Variants in FBXW2 observed in about 807,000 individuals in gnomAD.
FBXW2 encodes the protein F-box and WD repeat domain containing 2, also known as F-box/WD repeat-containing protein 2.
FBXW2 carries 12 observed loss-of-function variants against 46.0 expected under a neutral mutation model. That is an observed-to-expected ratio of 0.26 (90% CI 0.17 to 0.42). The LOEUF is 0.42. Ranked by LOEUF, FBXW2 falls within the 10% of genes least tolerant of loss-of-function variation. The pLI is 1.00. For synonymous variants in FBXW2, 203 were observed against 209.6 expected, an observed-to-expected ratio of 0.97 and a Z score of 0.27; for missense variants, 360 against 537.0, an observed-to-expected ratio of 0.67 and a Z score of 3.26.
intron 3 of FBXW2, among the ~76,000 whole-genome samples, chr9:120,780,439 A>T (rs1210585705): frequency 6.6e-6 from 1 of 152,156 alleles, no homozygotes; most frequent in African/African-American, 2.4e-5. Context: ...ACATGTAATC[A>T]ATACAAATAT....
chr9:120,778,179 T>C (rs1015226688), intron 4 of FBXW2, among the ~76,000 whole-genome samples, 172 bp downstream of exon 4: 20 of 148,896 alleles, frequency 1.3e-4, no homozygotes, highest in African/African-American at 4.7e-4. Flanking sequence ...CAAAACTGGG[T>C]AAAACATTCG....
At chr9:120,771,590 G>C (rs1030515763) in intron 6 of FBXW2, 73 bp from the exon 7 acceptor site, 1 of 1,355,488 alleles carries the variant, frequency 7.4e-7, no homozygotes. Flanking sequence ...AAAATGGTCT[G>C]CATTTGTGAA....
chr9:120,783,876 T>C (rs1480331849), intron 3 of FBXW2, among the ~76,000 whole-genome samples: 3 of 152,324 alleles, frequency 2.0e-5, no homozygotes, highest in Non-Finnish European at 4.4e-5. Flanking sequence ...TCAATAAAAC[T>C]GTCTATTGCT....
chr9:120,767,949 C>T (rs2044304450), intron 7 of FBXW2, among the ~76,000 whole-genome samples: 3 of 152,354 alleles, frequency 2.0e-5, no homozygotes, highest in Middle Eastern at 3.4e-3. Context: ...CTACTGACCT[C>T]CCCACATCTA....
At chr9:120,773,200 A>C (rs983411842) in intron 5 of FBXW2, among the ~76,000 whole-genome samples, 2 of 152,200 alleles carry the variant, frequency 1.3e-5, no homozygotes, top group Admixed American at 1.3e-4. Context: ...AAAAAAAAAA[A>C]AAACAGTCTA....
intron 3 of FBXW2, among the ~76,000 whole-genome samples, chr9:120,781,094 C>A (rs760784835): frequency 7.9e-5 from 12 of 151,556 alleles, no homozygotes; most frequent in Non-Finnish European, 1.5e-4. Context: ...AATAAGTTAG[C>A]CAGGCCAAAA....
rs150544929 is a variant in FBXW2, at chr9:120,760,843, G to A, written c.*3716C>T. The A allele has an allele frequency of 4.6e-5, 7 of 152,234 alleles. No individual in the cohort carries two copies. The highest frequency in any genetic ancestry group is 2.6e-4 in the Admixed American group (4 of 15,294). 9.4% of individuals were successfully genotyped at this position (152,234 alleles called of 1,614,324 possible). ...TCCTCATGTCTAAAATACTGTTTCCGAAAGTTATTTCTTTTGTTTTACAAA... is the reference window on the plus strand; with the variant it reads ...TCCTCATGTCTAAAATACTGTTTCCAAAAGTTATTTCTTTTGTTTTACAAA... On this transcript the variant is annotated 3_prime_UTR_variant, in exon 8 of 8. Coordinates refer to ENST00000608872, the MANE Select transcript of FBXW2 (RefSeq NM_012164.4).
chr9:120,771,770 A>C (rs2044379913), intron 6 of FBXW2, among the ~76,000 whole-genome samples: 1 of 152,194 alleles, frequency 6.6e-6, no homozygotes, highest in Non-Finnish European at 1.5e-5. Flanking sequence ...TAAAAGATCC[A>C]ATAATGGGCC....
In FBXW2 at chr9:120,760,327, A is replaced by G. The variant is rs1447406163; in HGVS notation, c.*4232T>C. On this transcript the variant is annotated 3_prime_UTR_variant, in exon 8 of 8. Coordinates refer to ENST00000608872, the MANE Select transcript of FBXW2 (RefSeq NM_012164.4). ...CCAAGGCCCAGAGGAAGAGGCACAGAAAGCTATAAAAGTGATGCTGGGGCC... is the reference window on the plus strand; with the variant it reads ...CCAAGGCCCAGAGGAAGAGGCACAGGAAGCTATAAAAGTGATGCTGGGGCC... 1 of 152,236 alleles carries G rather than the reference A, an allele frequency of 6.6e-6. No homozygotes were observed. The highest frequency in any genetic ancestry group is 2.4e-5 in the African/African-American group (1 of 41,446). The allele number at this position is 152,236 out of a possible 1,614,324, so 9.4% of individuals were successfully genotyped here.
chr9:120,757,617 C>T lies in FBXW2; in HGVS notation c.*6942G>A, dbSNP rs1038392409. 1.3e-5 allele frequency: 2 copies of T among 152,106 alleles called. No homozygotes were observed. The highest frequency in any genetic ancestry group is 6.6e-5 in the Admixed American group (1 of 15,260). 9.4% of individuals were successfully genotyped at this position (152,106 alleles called of 1,614,324 possible). On this transcript the variant is annotated 3_prime_UTR_variant, in exon 8 of 8. Coordinates refer to ENST00000608872, the MANE Select transcript of FBXW2 (RefSeq NM_012164.4). The stretch of plus-strand genomic sequence containing the variant: ...ATGATTTGCAGTACATAAATCCATA[C>T]ACATGTGCATAAGGATTAGAAGAGA...
intron 3 of FBXW2, among the ~76,000 whole-genome samples, chr9:120,779,541 T>C (rs1006002806): frequency 6.6e-6 from 1 of 152,242 alleles, no homozygotes; most frequent in African/African-American, 2.4e-5. Flanking sequence ...TATGATAGCA[T>C]ACTGAAATAA....
chr9:120,773,174 A>G (rs538872135), intron 5 of FBXW2, among the ~76,000 whole-genome samples: 1 of 151,188 alleles, frequency 6.6e-6, no homozygotes, highest in Non-Finnish European at 1.5e-5. Context: ...GCAACAGAGC[A>G]AGACCACAAC....
intron 7 of FBXW2, 126 bp downstream of exon 7, chr9:120,771,222 A>C: frequency 2.6e-6 from 2 of 759,850 alleles, no homozygotes; most frequent in Middle Eastern, 2.4e-4. Context: ...CCTGTTTACA[A>C]GTGATACAGT....
chr9:120,771,691 G>A (rs76978994), intron 6 of FBXW2, among the ~76,000 whole-genome samples, 174 bp from the exon 7 acceptor site: 2 of 152,048 alleles, frequency 1.3e-5, no homozygotes, highest in African/African-American at 4.8e-5. Flanking sequence ...TGCAATCTTG[G>A]GTAAATTATT....
Position 120,765,517 on chromosome 9 carries a change from T to C in FBXW2, c.1077-670A>G, listed in dbSNP as rs369364082. ...CAAAGCTCAGGCAGAGTAAATGCTT[T>C]GGCTAAGGATTCACAATTTGTCAGT... On this transcript the variant is annotated intron_variant, in intron 7 of 7. Transcript: ENST00000608872. Among the ~76,000 whole-genome samples the C allele has an allele frequency of 2.0e-5, 3 of 152,348 alleles. No individual in the cohort carries two copies. In the East Asian group the frequency reaches 5.8e-4, roughly 29 times the overall value.
chr9:120,784,246 T>G (rs2044673112), intron 3 of FBXW2, among the ~76,000 whole-genome samples: 1 of 152,186 alleles, frequency 6.6e-6, no homozygotes, highest in Admixed American at 6.5e-5. Flanking sequence ...TCCCATTTAC[T>G]TCCACTCCAA....
chr9:120,781,897 C>T (rs1032807656), intron 3 of FBXW2, among the ~76,000 whole-genome samples: 6 of 151,880 alleles, frequency 4.0e-5, no homozygotes, highest in African/African-American at 1.5e-4. Context: ...GTGGCGCACG[C>T]CTGTAATCCC....
Position 120,758,879 on chromosome 9 carries a change from T to A in FBXW2, c.*5680A>T, listed in dbSNP as rs1042076531. ...CTTGGGCAAAAGAGAGGAAGACTATTCCAAGGTCTGGAAGCAAAATGGGAC... is the reference window on the plus strand; with the variant it reads ...CTTGGGCAAAAGAGAGGAAGACTATACCAAGGTCTGGAAGCAAAATGGGAC... On this transcript the variant is annotated 3_prime_UTR_variant, in exon 8 of 8. Transcript: ENST00000608872. The A allele has an allele frequency of 6.6e-6, 1 of 152,204 alleles. No homozygotes were observed. The highest frequency in any genetic ancestry group is 1.5e-5 in the Non-Finnish European group (1 of 68,042). The allele number at this position is 152,204 out of a possible 1,614,324, so 9.4% of individuals were successfully genotyped here.
chr9:120,779,962 A>G (rs1407781332), intron 3 of FBXW2, among the ~76,000 whole-genome samples: 1 of 151,684 alleles, frequency 6.6e-6, no homozygotes, highest in Non-Finnish European at 1.5e-5. Context: ...GACCATCGCG[A>G]AACCCTGTCT....
Sources: gnomAD v4.1 joint callset for allele counts (sites outside exome capture counted in the v4.1 genomes callset) on GRCh38, gnomAD v4.1.1 for gene constraint, MANE v1.5 for transcripts, NCBI Gene and HGNC (gene_info 2026-07-23, HGNC 2026-07-21) for gene names.